Variants in RAD51B observed in about 807,000 individuals in gnomAD.
The protein encoded by RAD51B is DNA repair protein RAD51 homolog 2.
In RAD51B, 38 loss-of-function variants were observed where a neutral mutation model predicts 42.2. The ratio of observed to expected loss-of-function variants is 0.90; its 90% CI spans 0.70 to 1.18. The LOEUF is 1.18. RAD51B is among the 50% of genes most tolerant of loss of function. RAD51B has a pLI of 0.00. For missense variants in RAD51B, 373 were observed against 400.7 expected, an observed-to-expected ratio of 0.93 and a Z score of 0.59; for synonymous variants, 154 against 145.2, an observed-to-expected ratio of 1.06 and a Z score of -0.43.
chr14:68,337,146 G>A (rs2082472705), intron 8 of RAD51B, among the ~76,000 whole-genome samples: 1 of 152,052 alleles, frequency 6.6e-6, no homozygotes, highest in South Asian at 2.1e-4. Flanking sequence ...CCTGTGGAGG[G>A]GAGAATTTCT....
At chr14:68,306,608 A>T (rs978090193) in intron 8 of RAD51B, 3 of 515,294 alleles carry the variant, frequency 5.8e-6, no homozygotes, top group Middle Eastern at 6.4e-4. Context: ...CACAGTGAGC[A>T]TGGAAGAAAT....
chr14:67,964,975 A>G (rs1001066362), intron 7 of RAD51B, among the ~76,000 whole-genome samples: 3 of 152,220 alleles, frequency 2.0e-5, no homozygotes, highest in Admixed American at 2.0e-4. Context: ...TCAAGTCTCA[A>G]TTATCCTGGC....
At chr14:68,632,857 C>A (rs189172564) in intron 10 of RAD51B, among the ~76,000 whole-genome samples, 1 of 151,932 alleles carries the variant, frequency 6.6e-6, no homozygotes, top group South Asian at 2.1e-4. Flanking sequence ...CTCACTGCAG[C>A]CTTGACCACC....
At chr14:68,261,067 T>C (rs932590846) in intron 7 of RAD51B, among the ~76,000 whole-genome samples, 1 of 152,258 alleles carries the variant, frequency 6.6e-6, no homozygotes, top group African/African-American at 2.4e-5. Flanking sequence ...TCTTAAGGTC[T>C]CATATCCTTC....
At chr14:67,929,744 A>G (rs117005891) in intron 7 of RAD51B, among the ~76,000 whole-genome samples, 1,747 of 151,344 alleles carry the variant, frequency 0.012, 17 homozygotes, top group Non-Finnish European at 0.019. Context: ...TGCTTTATGC[A>G]TATCCTCTTG....
intron 10 of RAD51B, among the ~76,000 whole-genome samples, chr14:68,498,202 G>C (rs1884675675): frequency 6.6e-6 from 1 of 152,214 alleles, no homozygotes; most frequent in African/African-American, 2.4e-5. Context: ...AGAGGGCTCT[G>C]TTCCATGCAC....
chr14:68,080,220 T>C (rs1006390255), intron 7 of RAD51B, among the ~76,000 whole-genome samples: 2 of 152,242 alleles, frequency 1.3e-5, no homozygotes, highest in African/African-American at 4.8e-5. Context: ...TCCTGTTTAT[T>C]TGATGGGGAA....
At chr14:67,874,013 C>T (rs918704689) in intron 5 of RAD51B, among the ~76,000 whole-genome samples, 1 of 151,346 alleles carries the variant, frequency 6.6e-6, no homozygotes, top group African/African-American at 2.4e-5. Flanking sequence ...GGGTGCAGCG[C>T]AGCAGCATGG....
chr14:68,533,930 G>A (rs1385466409), intron 10 of RAD51B, among the ~76,000 whole-genome samples: 3 of 152,198 alleles, frequency 2.0e-5, no homozygotes, highest in Admixed American at 2.0e-4. Context: ...AGGAGAGAGG[G>A]GCAAAGGCGT....
intron 7 of RAD51B, among the ~76,000 whole-genome samples, chr14:67,958,092 C>T (rs4902538): frequency 0.28 from 41,908 of 152,102 alleles, 7,543 homozygotes; most frequent in African/African-American, 0.51. Context: ...GCAGCCGTCA[C>T]GTCTCTGGTC....
intron 7 of RAD51B, among the ~76,000 whole-genome samples, chr14:67,890,036 A>T (rs939594089): frequency 2.3e-4 from 35 of 152,312 alleles, no homozygotes; most frequent in African/African-American, 8.2e-4. Context: ...TATTGAAAAA[A>T]CAGTAGGCTC....
chr14:68,466,773 G>A (rs536013123), intron 9 of RAD51B, among the ~76,000 whole-genome samples: 1 of 152,340 alleles, frequency 6.6e-6, no homozygotes, highest in African/African-American at 2.4e-5. Context: ...AAAAGAAGCA[G>A]AGAAATGTGG....
chr14:67,886,003 A>T lies in RAD51B; in HGVS notation c.572+15A>T. 1.3e-6 allele frequency: 2 copies of T among 1,541,290 alleles called. No individual in the cohort carries two copies. Among genetic ancestry groups the T allele is most frequent in the Admixed American group, 1.8e-5 (1 of 54,150 alleles). On this transcript the variant is annotated intron_variant, in intron 6 of 10. Transcript: ENST00000471583. ...GTTCTACAAAGGTATGCTGCTTTAG[A>T]TTTTGATTTTTTAGTAATGCGTTGA...
chr14:68,048,380 G>A (rs964398793), intron 7 of RAD51B, among the ~76,000 whole-genome samples: 26 of 152,138 alleles, frequency 1.7e-4, no homozygotes, highest in Middle Eastern at 3.4e-3. Context: ...ATTTTCTCCC[G>A]TTCTCTAGGT....
intron 8 of RAD51B, among the ~76,000 whole-genome samples, chr14:68,388,533 A>G (rs4048738): frequency 6.6e-6 from 1 of 152,232 alleles, no homozygotes; most frequent in African/African-American, 2.4e-5. Flanking sequence ...TCAAGTATAT[A>G]TCATTCTATT....
At chr14:68,566,843 G>A (rs917596175) in intron 10 of RAD51B, among the ~76,000 whole-genome samples, 1 of 151,952 alleles carries the variant, frequency 6.6e-6, no homozygotes, top group Non-Finnish European at 1.5e-5. Context: ...GCCCCAACTT[G>A]CCTATCAAAC....
At chr14:67,844,233 T>G (rs2041530410) in intron 4 of RAD51B, among the ~76,000 whole-genome samples, 1 of 150,188 alleles carries the variant, frequency 6.7e-6, no homozygotes, top group Non-Finnish European at 1.5e-5. Flanking sequence ...TGATTGCAGT[T>G]TTTTTTTTTA....
intron 7 of RAD51B, among the ~76,000 whole-genome samples, chr14:68,010,874 G>T (rs2075672770): frequency 6.6e-6 from 1 of 151,812 alleles, no homozygotes; most frequent in Non-Finnish European, 1.5e-5. Context: ...AGTAATGTAG[G>T]TTCCAAAGTG....
chr14:68,662,451 T>C (rs1257133417), intron 11 of RAD51B, among the ~76,000 whole-genome samples: 1 of 152,258 alleles, frequency 6.6e-6, no homozygotes, highest in Non-Finnish European at 1.5e-5. Context: ...TAGTCTCTAA[T>C]AGAACTGTTG....
Sources: gnomAD v4.1 joint callset for allele counts (sites outside exome capture counted in the v4.1 genomes callset) on GRCh38, gnomAD v4.1.1 for gene constraint, MANE v1.5 for transcripts, NCBI Gene and HGNC (gene_info 2026-07-23, HGNC 2026-07-21) for gene names.